BICC1: variants seen among roughly 807,000 people sequenced by gnomAD.
The protein encoded by BICC1 is protein bicaudal C homolog 1.
BICC1 carries 43 observed loss-of-function variants against 111.0 expected under a neutral mutation model. The ratio of observed to expected loss-of-function variants is 0.39; its 90% CI spans 0.30 to 0.50. BICC1 has a LOEUF of 0.50. Among genes scored for constraint, BICC1 ranks in the 20% least tolerant of loss-of-function variants. The probability of loss-of-function intolerance (pLI) is 0.88; values close to 1 mark genes in which losing one functional copy is unlikely to be tolerated. For synonymous variants in BICC1, 467 were observed against 434.4 expected, an observed-to-expected ratio of 1.07 and a Z score of -0.93; for missense variants, 1,091 against 1,203.2, an observed-to-expected ratio of 0.91 and a Z score of 1.38.
intron 2 of BICC1, among the ~76,000 whole-genome samples, chr10:58,683,336 T>C (rs901658629): frequency 4.6e-5 from 7 of 152,226 alleles, no homozygotes; most frequent in Non-Finnish European, 1.0e-4. Context: ...AGTTTTGTTC[T>C]TTTTGCTTAG....
chr10:58,686,800 C>A (rs1352827750), intron 2 of BICC1, among the ~76,000 whole-genome samples: 1 of 152,154 alleles, frequency 6.6e-6, no homozygotes. Flanking sequence ...AGCTTCTTTG[C>A]GATGGGTTCG....
intron 2 of BICC1, among the ~76,000 whole-genome samples, chr10:58,670,136 T>C (rs778910770): frequency 6.6e-6 from 1 of 152,278 alleles, no homozygotes; most frequent in Non-Finnish European, 1.5e-5. Flanking sequence ...AAATTATTTT[T>C]AAAAATATTT....
chr10:58,634,148 C>T (rs548295380), intron 2 of BICC1, among the ~76,000 whole-genome samples: 5 of 151,978 alleles, frequency 3.3e-5, no homozygotes, highest in Admixed American at 2.0e-4. Context: ...CACGCCACCA[C>T]GACTGGCTAA....
chr10:58,555,408 G>T (rs1182120376), intron 1 of BICC1, among the ~76,000 whole-genome samples: 1 of 148,940 alleles, frequency 6.7e-6, no homozygotes, highest in East Asian at 2.0e-4. Context: ...GTAACCTGTT[G>T]GAAGTAGAGT....
At chr10:58,614,765 T>C (rs1053386154) in intron 1 of BICC1, among the ~76,000 whole-genome samples, 1 of 152,158 alleles carries the variant, frequency 6.6e-6, no homozygotes, top group Non-Finnish European at 1.5e-5. Context: ...GCAAAATAAG[T>C]CTCCTCAAGG....
At chr10:58,638,308 T>C (rs1445022239) in intron 2 of BICC1, among the ~76,000 whole-genome samples, 1 of 151,548 alleles carries the variant, frequency 6.6e-6, no homozygotes, top group Non-Finnish European at 1.5e-5. Flanking sequence ...TGGTAAGTAA[T>C]TACAGAGTTA....
chr10:58,584,726 A>G (rs1443099209), intron 1 of BICC1, among the ~76,000 whole-genome samples: 1 of 151,330 alleles, frequency 6.6e-6, no homozygotes, highest in Non-Finnish European at 1.5e-5. Flanking sequence ...GGGACTTTTA[A>G]TGCTGAAACT....
At chr10:58,731,500 CT>C (rs1439457173) in intron 3 of BICC1, among the ~76,000 whole-genome samples, 1 of 152,134 alleles carries the variant, frequency 6.6e-6, no homozygotes, top group Non-Finnish European at 1.5e-5. Flanking sequence ...TAGCAGTTTT[CT>C]GTATTAGTCT....
intron 2 of BICC1, among the ~76,000 whole-genome samples, chr10:58,659,095 CAG>C (rs1381796050): frequency 2.6e-5 from 4 of 152,066 alleles, no homozygotes; most frequent in African/African-American, 9.7e-5. Flanking sequence ...CAAAAAATAA[CAG>C]ATCTGGTAAG....
chr10:58,726,758 GT>G (rs1841119029), intron 3 of BICC1, among the ~76,000 whole-genome samples: 1 of 152,124 alleles, frequency 6.6e-6, no homozygotes. Context: ...ATTTTTGTGT[GT>G]GATCATCTTA....
At chr10:58,701,067 G>T (rs543405830) in intron 2 of BICC1, among the ~76,000 whole-genome samples, 2 of 152,248 alleles carry the variant, frequency 1.3e-5, no homozygotes, top group South Asian at 2.1e-4. Context: ...TGCCCGGTAC[G>T]TAGCCAGTAC....
intron 2 of BICC1, among the ~76,000 whole-genome samples, chr10:58,674,771 CAG>C (rs1839288448): frequency 6.6e-6 from 1 of 151,990 alleles, no homozygotes; most frequent in South Asian, 2.1e-4. Flanking sequence ...GACAAAAGGA[CAG>C]TTTGAATAAA....
At chr10:58,532,618 A>T (rs1430982086) in intron 1 of BICC1, among the ~76,000 whole-genome samples, 1 of 151,844 alleles carries the variant, frequency 6.6e-6, no homozygotes, top group African/African-American at 2.4e-5. Context: ...ACATCAATTT[A>T]TGAGAAAAAA....
intron 3 of BICC1, among the ~76,000 whole-genome samples, chr10:58,717,302 A>G (rs1379613999): frequency 6.6e-6 from 1 of 151,946 alleles, no homozygotes. Flanking sequence ...GTTCATTACT[A>G]TGTTTAATGG....
chr10:58,740,244 C>T (rs961753086), intron 3 of BICC1, among the ~76,000 whole-genome samples: 2 of 152,076 alleles, frequency 1.3e-5, no homozygotes, highest in Admixed American at 1.3e-4. Context: ...TTCCCAAATT[C>T]AAAGTTAATT....
Position 58,799,221 on chromosome 10 carries a change from A to T in BICC1, c.1694A>T (p.Lys565Ile). ...HINSMQTEGK[K>I]ISAALNGHAQ... ...AACAGTATGCAGACCGAAGGCAAAA[A>T]AATCTCTGCTGCTTTAAATGGACAT... The change falls in exon 12 of 21, where the codon AAA (lysine) becomes ATA (isoleucine). Residue 565 changes from lysine (K) to isoleucine (I), a missense_variant. Physicochemically the swap from Lys to Ile is moderately radical, Grantham distance 102. This residue lies in a region of BICC1 where 843 missense variants were observed against 900.8 expected (regional missense o/e 0.94). Transcript: ENST00000373886. The T allele has an allele frequency of 6.2e-6, 10 of 1,611,162 alleles. No homozygotes were observed. The highest frequency in any genetic ancestry group is 8.5e-6 in the Non-Finnish European group (10 of 1,178,396).
At chr10:58,776,989 G>C (rs138465163) in intron 3 of BICC1, among the ~76,000 whole-genome samples, 1 of 152,112 alleles carries the variant, frequency 6.6e-6, no homozygotes, top group Non-Finnish European at 1.5e-5. Flanking sequence ...TATCTGAACA[G>C]CAGCTTTCAG....
intron 3 of BICC1, among the ~76,000 whole-genome samples, chr10:58,730,786 G>T (rs993776362): frequency 2.0e-5 from 3 of 152,194 alleles, no homozygotes; most frequent in African/African-American, 4.8e-5. Context: ...TTTGAGTCAG[G>T]GCTGCAGCTG....
In BICC1 at chr10:58,525,716, AATT is replaced by A. The variant is rs1341104558; in HGVS notation, c.190+12384_190+12386del. Among the ~76,000 whole-genome samples, 72 of 129,108 alleles carry A rather than the reference AATT, an allele frequency of 5.6e-4. 1 individual carries two copies. The South Asian group carries it at 0.017, about 30-fold the overall frequency. The allele number at this position is 129,108 out of a possible 152,430, so 84.7% of individuals were successfully genotyped here. On this transcript the variant is annotated intron_variant, in intron 1 of 20. Coordinates refer to ENST00000373886, the MANE Select transcript of BICC1 (RefSeq NM_001080512.3). ...ACCCTAAAACTTTAATAATAAAAAA[AATT>A]TTTTAAAGCAATACAAGGAAGCTTT...
Sources: gnomAD v4.1 joint callset for allele counts (sites outside exome capture counted in the v4.1 genomes callset) on GRCh38, gnomAD v4.1.1 for gene constraint, gnomAD v4.1.1 regional missense constraint, MANE v1.5 for transcripts, NCBI Gene and HGNC (gene_info 2026-07-23, HGNC 2026-07-21) for gene names.